The following JADE1 variants were observed in gnomAD, a reference collection of about 807,000 sequenced individuals.
JADE1 encodes protein Jade-1.
In JADE1, 14 loss-of-function variants were observed where a neutral mutation model predicts 81.8. That is an observed-to-expected ratio of 0.17 (90% CI 0.11 to 0.27). The LOEUF is 0.27. Ranked by LOEUF, JADE1 falls within the 10% of genes least tolerant of loss-of-function variation. The pLI is 1.00. For synonymous variants in JADE1, 353 were observed against 391.9 expected, an observed-to-expected ratio of 0.90 and a Z score of 1.17; for missense variants, 690 against 1,047.9, an observed-to-expected ratio of 0.66 and a Z score of 4.71.
rs62317924 is a variant in JADE1 at position 128,857,077 on chromosome 4, G to T, written c.865-261G>T. Among the ~76,000 whole-genome samples the T allele has an allele frequency of 3.8e-3, 576 of 152,216 alleles. 1 individual carries two copies. Among genetic ancestry groups the T allele is most frequent in the Non-Finnish European group, 6.3e-3 (427 of 67,992 alleles). On this transcript the variant is annotated intron_variant, in intron 7 of 10. Transcript: ENST00000226319. ...GGTACATGACTCTTTGTCATCAGAC[G>T]CTCCGGTGAGAAGTGAAAACTCAGT...
Position 128,871,832 on chromosome 4 carries a change from C to A in JADE1, c.2099C>A (p.Ala700Asp). The A allele has an allele frequency of 6.2e-7, 1 of 1,614,104 alleles. No homozygotes were observed. The highest frequency in any genetic ancestry group is 1.1e-5 in the South Asian group (1 of 91,078). Residue 700 changes from alanine to aspartate, a missense_variant, in exon 11 of 11, where the codon GCT becomes GAT. Ala to Asp is a moderately radical substitution (Grantham distance 126). Coordinates refer to ENST00000226319, the MANE Select transcript of JADE1 (RefSeq NM_199320.4). This position sits in a 1 kb window ranked among gnomAD's most constrained non-coding sequence, Gnocchi z 4.1. ...CAGAGGCATCTGGACAACACAAGAG[C>A]TGCCACCTCCCCTGGAGTGGGGCAG... Reference protein sequence around the residue: ...VSQRHLDNTRAATSPGVGQSA... With the variant: ...VSQRHLDNTRDATSPGVGQSA...
At chr4:128,812,134 G>A (rs1053222586) in intron 1 of JADE1, among the ~76,000 whole-genome samples, 2 of 151,832 alleles carry the variant, frequency 1.3e-5, no homozygotes, top group African/African-American at 4.8e-5. Context: ...GCGGGGGGTG[G>A]CCACTTTCAA....
intron 8 of JADE1, among the ~76,000 whole-genome samples, chr4:128,860,651 G>T (rs1271956722): frequency 6.6e-6 from 1 of 152,196 alleles, no homozygotes; most frequent in African/African-American, 2.4e-5. Context: ...CTAGGGATTT[G>T]CTCAGCAAGA....
Position 128,872,063 on chromosome 4 carries a change from C to T in JADE1, c.2330C>T (p.Pro777Leu). 1 of 1,614,076 alleles carries T rather than the reference C, an allele frequency of 6.2e-7. No homozygotes were observed. Among genetic ancestry groups the T allele is most frequent in the African/African-American group, 1.3e-5 (1 of 75,046 alleles). ...GCCTGCCACCAGCACTCAGACTACC[C>T]ATATTTGGGCTTAGGCCGAGTTCCA... ...DGACHQHSDYPYLGLGRVPAK... is the reference protein window; with the variant it reads ...DGACHQHSDYLYLGLGRVPAK... Residue 777 changes from proline to leucine, a missense_variant, in exon 11 of 11, where the codon CCA becomes CTA. By Grantham distance (98) the Pro-to-Leu change is moderately conservative. Coordinates refer to ENST00000226319, the MANE Select transcript of JADE1 (RefSeq NM_199320.4).
chr4:128,822,223 C>G (rs1309374333), intron 1 of JADE1, among the ~76,000 whole-genome samples: 2 of 152,020 alleles, frequency 1.3e-5, no homozygotes, highest in African/African-American at 2.4e-5. Context: ...TACTACTGGC[C>G]GGGTGTGGTG....
chr4:128,819,006 T>C (rs1046540624), intron 1 of JADE1, among the ~76,000 whole-genome samples: 1 of 152,088 alleles, frequency 6.6e-6, no homozygotes, highest in Non-Finnish European at 1.5e-5. Flanking sequence ...GTTTTTTGTA[T>C]TTTTTGTAGA....
intron 8 of JADE1, among the ~76,000 whole-genome samples, chr4:128,860,892 C>G (rs1451916937): frequency 6.6e-6 from 1 of 152,226 alleles, no homozygotes; most frequent in Non-Finnish European, 1.5e-5. Flanking sequence ...GATCTCAGGG[C>G]TCAGAGCCCT....
In JADE1 at chr4:128,834,847, T is replaced by G. The variant is rs565552027; in HGVS notation, c.52+3037T>G. ...ACCACGCCTGGCCAAATATTTCATC[T>G]AAAATATATATGTTCAGGATGGGCA... On this transcript the variant is annotated intron_variant, in intron 2 of 10. Transcript: ENST00000226319. Among the ~76,000 whole-genome samples the G allele has an allele frequency of 1.8e-4, 28 of 152,206 alleles. 1 individual carries two copies. The highest frequency in any genetic ancestry group is 6.5e-4 in the African/African-American group (27 of 41,538).
chr4:128,844,426 AC>A (rs1176543710), intron 3 of JADE1, among the ~76,000 whole-genome samples: 6 of 152,174 alleles, frequency 3.9e-5, no homozygotes, highest in African/African-American at 1.4e-4. Flanking sequence ...TCCAGAGTTG[AC>A]GTCCATTTGA....
At chr4:128,831,663 G>A in intron 1 of JADE1, 70 bp from the exon 2 acceptor site, 1 of 1,340,162 alleles carries the variant, frequency 7.5e-7, no homozygotes. Flanking sequence ...ATCCTGGGCT[G>A]CCATCTGAAG....
intron 1 of JADE1, among the ~76,000 whole-genome samples, chr4:128,812,522 T>G (rs1726552587): frequency 6.6e-6 from 1 of 152,054 alleles, no homozygotes; most frequent in Non-Finnish European, 1.5e-5. Context: ...CTCCTTATTC[T>G]CGAGTCCTCA....
Position 128,809,982 on chromosome 4 carries a change from ACGGCGGCGG to A in JADE1, c.-27+119_-27+127del, listed in dbSNP as rs778572627. 3.8e-4 allele frequency: 60 copies of A among 159,480 alleles called. No individual in the cohort carries two copies. The Middle Eastern group carries it at 9.0e-3, about 24-fold the overall frequency. The allele number at this position is 159,480 out of a possible 1,614,324, so 9.9% of individuals were successfully genotyped here. ...TGCGCGTCCCGGTCCCGCGGCGGCG[ACGGCGGCGG>A]CGGCGGCGGCGGCTGCAGGACGAGC... On this transcript the variant is annotated intron_variant, in intron 1 of 10. Coordinates refer to ENST00000226319, the MANE Select transcript of JADE1 (RefSeq NM_199320.4).
At chr4:128,820,684 CTCTT>C (rs935729576) in intron 1 of JADE1, among the ~76,000 whole-genome samples, 1 of 151,150 alleles carries the variant, frequency 6.6e-6, no homozygotes, top group Non-Finnish European at 1.5e-5. Flanking sequence ...GGGAGTCTCT[CTCTT>C]TTTTTTTTTT....
intron 5 of JADE1, among the ~76,000 whole-genome samples, chr4:128,849,579 A>G (rs1730171312): frequency 6.6e-6 from 1 of 152,186 alleles, no homozygotes; most frequent in African/African-American, 2.4e-5. Context: ...ACACTCTTCC[A>G]GGCATGCTCC....
intron 8 of JADE1, among the ~76,000 whole-genome samples, chr4:128,859,546 TGTATATGTGTATGTGTGTGA>T (rs1392396789): frequency 1.8e-5 from 2 of 111,250 alleles, no homozygotes; most frequent in Admixed American, 1.8e-4. Context: ...TATGCATGCG[TGTATATGTGTATGTGTGTGA>T]GTATGCGTGT....
At chr4:128,809,999 G>GGCGGCT (rs1726198284) in intron 1 of JADE1, 122 bp downstream of exon 1, 1 of 161,462 alleles carries the variant, frequency 6.2e-6, no homozygotes, top group African/African-American at 2.4e-5. Context: ...CGGCGGCGGC[G>GGCGGCT]GCGGCTGCAG....
intron 10 of JADE1, among the ~76,000 whole-genome samples, chr4:128,869,158 A>G (rs1321353311): frequency 6.6e-6 from 1 of 152,228 alleles, no homozygotes; most frequent in African/African-American, 2.4e-5. Context: ...CATAGTTTGA[A>G]TGCAATAACT....
chr4:128,837,718 G>A (rs1043116829), intron 2 of JADE1, among the ~76,000 whole-genome samples: 3 of 152,156 alleles, frequency 2.0e-5, no homozygotes, highest in Admixed American at 6.5e-5. Context: ...ACACCAGACT[G>A]CTGGACTCGA....
intron 6 of JADE1, among the ~76,000 whole-genome samples, chr4:128,852,937 G>C (rs1437217887): frequency 4.8e-5 from 7 of 146,658 alleles, no homozygotes; most frequent in Non-Finnish European, 1.0e-4. Context: ...TTTTTTTTGA[G>C]ATGGCTGGAG....
Sources: gnomAD v4.1 joint callset for allele counts (sites outside exome capture counted in the v4.1 genomes callset) on GRCh38, gnomAD v4.1.1 for gene constraint, Gnocchi (gnomAD v3.1) non-coding constraint, MANE v1.5 for transcripts, NCBI Gene and HGNC (gene_info 2026-07-23, HGNC 2026-07-21) for gene names.